Variants in KLHL32 observed in about 807,000 individuals in gnomAD.
KLHL32 encodes kelch-like protein 32.
Under a neutral mutation model 64.8 loss-of-function variants are expected in KLHL32, and 35 were observed. That is an observed-to-expected ratio of 0.54 (90% CI 0.41 to 0.72). The LOEUF (loss-of-function observed/expected upper bound fraction) is 0.72. Among genes scored for constraint, KLHL32 ranks in the 30% least tolerant of loss-of-function variants. KLHL32 has a pLI of 0.00. For missense variants in KLHL32, 589 were observed against 768.5 expected, an observed-to-expected ratio of 0.77 and a Z score of 2.76; for synonymous variants, 259 against 281.0, an observed-to-expected ratio of 0.92 and a Z score of 0.78.
At chr6:96,972,834 T>G (rs1013159396) in intron 2 of KLHL32, among the ~76,000 whole-genome samples, 4 of 152,196 alleles carry the variant, frequency 2.6e-5, no homozygotes, top group African/African-American at 9.7e-5. Context: ...CATAGTGCAT[T>G]ACAGTCTTCG....
In KLHL32 at chr6:96,976,167, A is replaced by G; in HGVS notation, c.194A>G (p.Asp65Gly). The G allele has an allele frequency of 6.4e-7, 1 of 1,560,928 alleles. No individual in the cohort carries two copies. The highest frequency in any genetic ancestry group is 8.7e-7 in the Non-Finnish European group (1 of 1,146,816). Residue 65 changes from aspartate to glycine, a missense_variant, in exon 3 of 11, where the codon GAC (aspartate) becomes GGC (glycine). Coordinates refer to ENST00000369261, the MANE Select transcript of KLHL32 (RefSeq NM_052904.4). ...AHKAVLAACS[D>G]YFRAMFSLCM... is the part of the protein sequence containing the mutation. ...AAGGCAGTCCTAGCAGCATGCAGTG[A>G]CTATTTCCGGGTAAGTCAGCATTGT...
chr6:96,995,871 G>A (rs1440459632), intron 3 of KLHL32, among the ~76,000 whole-genome samples: 4 of 152,222 alleles, frequency 2.6e-5, no homozygotes, highest in East Asian at 3.8e-4. Context: ...TAAAGATTAT[G>A]TACTATGTGT....
chr6:96,971,861 T>C (rs1775152150), intron 2 of KLHL32, among the ~76,000 whole-genome samples: 1 of 152,184 alleles, frequency 6.6e-6, no homozygotes, highest in African/African-American at 2.4e-5. Flanking sequence ...AAATTTTTTT[T>C]CTGTTGTTGA....
At chr6:97,129,767 A>C (rs1799237732) in intron 8 of KLHL32, among the ~76,000 whole-genome samples, 1 of 152,124 alleles carries the variant, frequency 6.6e-6, no homozygotes, top group Admixed American at 6.6e-5. Context: ...CTGTAATCCC[A>C]GCTACTCGGG....
chr6:97,065,033 C>T (rs767921827), intron 5 of KLHL32, among the ~76,000 whole-genome samples: 12 of 152,074 alleles, frequency 7.9e-5, no homozygotes, highest in Admixed American at 3.3e-4. Flanking sequence ...GGAGGTGTCG[C>T]TAAAAGGAGT....
At chr6:97,052,342 T>C (rs1787061578) in intron 4 of KLHL32, among the ~76,000 whole-genome samples, 1 of 152,164 alleles carries the variant, frequency 6.6e-6, no homozygotes, top group Admixed American at 6.5e-5. Context: ...TGACATGATT[T>C]TCCAAAATAA....
intron 10 of KLHL32, among the ~76,000 whole-genome samples, chr6:97,134,984 A>G (rs1799833923): frequency 6.6e-6 from 1 of 152,222 alleles, no homozygotes; most frequent in Non-Finnish European, 1.5e-5. Flanking sequence ...AAATCTATCC[A>G]CAAGAAATGA....
intron 2 of KLHL32, among the ~76,000 whole-genome samples, chr6:96,971,778 T>G (rs1331354780): frequency 6.6e-6 from 1 of 152,124 alleles, no homozygotes; most frequent in Admixed American, 6.6e-5. Context: ...TCATAGAGTA[T>G]CCAATAGAAC....
At chr6:96,911,845 TTTTTTTG>T in the KLHL32 span, among the ~76,000 whole-genome samples, 3 of 107,232 alleles carry the variant, frequency 2.8e-5, no homozygotes, top group South Asian at 3.3e-4. Flanking sequence ...TTTTTTTTTT[TTTTTTTG>T]GCAGCTGCCA....
rs576097260 is a variant in KLHL32, at chr6:97,132,559, C to T, written c.1607-94C>T. ...TCCCATGGAGTATACAAATGTGCCA[C>T]AAAGGAAAATTGTATCCCTCAGTGG... On this transcript the variant is annotated intron_variant, in intron 9 of 10. Transcript: ENST00000369261. The T allele has an allele frequency of 1.5e-3, 1,347 of 918,574 alleles. 4 individuals carry two copies. The highest frequency in any genetic ancestry group is 1.9e-3 in the Non-Finnish European group (1,095 of 585,676). 56.9% of individuals were successfully genotyped at this position (918,574 alleles called of 1,614,324 possible).
intron 3 of KLHL32, among the ~76,000 whole-genome samples, chr6:97,016,104 T>G (rs2128098954): frequency 6.6e-6 from 1 of 152,346 alleles, no homozygotes. Flanking sequence ...GAACCTCTGC[T>G]AGGGCAATGC....
chr6:96,933,820 A>T (rs967804665), intron 1 of KLHL32, among the ~76,000 whole-genome samples: 1 of 152,188 alleles, frequency 6.6e-6, no homozygotes, highest in Non-Finnish European at 1.5e-5. Context: ...CTTGAGTCAC[A>T]GATCAGTACT....
chr6:96,973,741 T>TTTTTTTTTTTTTTTTTTG (rs3032640), intron 2 of KLHL32, among the ~76,000 whole-genome samples: 5 of 149,450 alleles, frequency 3.3e-5, no homozygotes, highest in Admixed American at 1.3e-4. Context: ...TTTTTTTTTT[T>TTTTTTTTTTTTTTTTTTG]AGACAGAGTC....
At chr6:97,089,778 T>TAAA (rs35560928) in intron 6 of KLHL32, among the ~76,000 whole-genome samples, 1 of 136,286 alleles carries the variant, frequency 7.3e-6, no homozygotes, top group Non-Finnish European at 1.6e-5. Context: ...AAACTCCAGC[T>TAAA]AAAAAAAAAA....
At chr6:96,914,644 C>T in the KLHL32 span, 2 of 152,132 alleles carry the variant, frequency 1.3e-5, no homozygotes, top group African/African-American at 4.8e-5. Flanking sequence ...TCACTGTATC[C>T]CATGTTCCCA....
intron 6 of KLHL32, among the ~76,000 whole-genome samples, chr6:97,090,890 G>A (rs1364358156): frequency 6.6e-6 from 1 of 152,226 alleles, no homozygotes; most frequent in South Asian, 2.1e-4. Flanking sequence ...TGGGCACAGA[G>A]GTGCATCCAA....
At chr6:96,952,351 C>T in intron 1 of KLHL32, among the ~76,000 whole-genome samples, 1 of 152,076 alleles carries the variant, frequency 6.6e-6, no homozygotes, top group East Asian at 1.9e-4. Context: ...CAGAAATATG[C>T]CATAGGAACT....
chr6:96,903,779 C>T, the KLHL32 span, among the ~76,000 whole-genome samples: 143 of 152,286 alleles, frequency 9.4e-4, 1 homozygote, highest in Middle Eastern at 0.017. Context: ...ACTAAAAATA[C>T]ATTTAGCTAA....
Position 97,140,709 on chromosome 6 carries a change from T to C in KLHL32, c.*1427T>C, listed in dbSNP as rs556968681. ...AATTGTTATTTTATTCATGTAACCT[T>C]TTTTTGTAATCAAAAGTGAATAAAA... On this transcript the variant is annotated 3_prime_UTR_variant, in exon 11 of 11. Coordinates refer to ENST00000369261, the MANE Select transcript of KLHL32 (RefSeq NM_052904.4). The C allele has an allele frequency of 6.6e-6, 1 of 152,132 alleles. No homozygotes were observed. Among genetic ancestry groups the C allele is most frequent in the Non-Finnish European group, 1.5e-5 (1 of 67,858 alleles). 9.4% of individuals were successfully genotyped at this position (152,132 alleles called of 1,614,324 possible).
Sources: allele counts gnomAD v4.1 joint callset (sites outside exome capture counted in the v4.1 genomes callset), GRCh38; gene constraint gnomAD v4.1.1; transcripts MANE v1.5; gene names NCBI Gene and HGNC (gene_info 2026-07-23, HGNC 2026-07-21).